The following SERPINB8 variants were observed in gnomAD, a reference collection of about 807,000 sequenced individuals.
SERPINB8 encodes serpin B8.
SERPINB8 carries 25 observed loss-of-function variants against 35.3 expected under a neutral mutation model. That is an observed-to-expected ratio of 0.71 (90% confidence interval 0.52 to 0.99). SERPINB8 has a LOEUF of 0.99. Among genes scored for constraint, SERPINB8 ranks in the 50% least tolerant of loss-of-function variants. The pLI, the probability that SERPINB8 is intolerant of heterozygous loss-of-function variation, is 0.00. For missense variants in SERPINB8, 484 were observed against 446.5 expected (o/e 1.08, Z -0.76); for synonymous variants, 186 against 160.8 (o/e 1.16, Z -1.19).
At chr18:63,970,347 AAG>A (rs756419930) in intron 1 of SERPINB8, 177 bp downstream of exon 1, 4 of 176,228 alleles carry the variant, frequency 2.3e-5, no homozygotes, top group Non-Finnish European at 4.9e-5. Flanking sequence ...GCGGCCGGGA[AAG>A]AGAGTCGCGG....
chr18:63,980,340 C>T (rs1338193867), intron 3 of SERPINB8, among the ~76,000 whole-genome samples: 1 of 152,142 alleles, frequency 6.6e-6, no homozygotes, highest in African/African-American at 2.4e-5. Flanking sequence ...CTGACACAAT[C>T]GTCTTTCTAA....
chr18:63,983,009 G>C (rs969866967), intron 4 of SERPINB8, among the ~76,000 whole-genome samples: 2 of 151,950 alleles, frequency 1.3e-5, no homozygotes, highest in African/African-American at 4.8e-5. Flanking sequence ...TGTCTGATGA[G>C]GTTTGAATAT....
chr18:63,998,759 T>C (rs2050861468), intron 1 of SERPINB8, among the ~76,000 whole-genome samples: 2 of 152,166 alleles, frequency 1.3e-5, no homozygotes, highest in Non-Finnish European at 2.9e-5. Flanking sequence ...ACAGCACAGA[T>C]TGGGAGGCAT....
At chr18:64,003,670 T>C (rs1437446323) in intron 1 of SERPINB8, among the ~76,000 whole-genome samples, 1 of 152,074 alleles carries the variant, frequency 6.6e-6, no homozygotes, top group Non-Finnish European at 1.5e-5. Context: ...AGCCTGAATG[T>C]GAAGGCCTGA....
chr18:64,008,508 C>A (rs1373764349), downstream of SERPINB8, among the ~76,000 whole-genome samples: 1 of 151,946 alleles, frequency 6.6e-6, no homozygotes, highest in Non-Finnish European at 1.5e-5. Context: ...CTTGGCCTCC[C>A]AAAGTGCTAG....
intron 4 of SERPINB8, 33 bp downstream of exon 4, chr18:63,981,871 T>C: frequency 6.8e-7 from 1 of 1,477,418 alleles, no homozygotes; most frequent in Non-Finnish European, 9.4e-7. Flanking sequence ...GATTTGGAAT[T>C]ACTATACAAC....
At chr18:63,997,453 G>A (rs543828543) in intron 1 of SERPINB8, among the ~76,000 whole-genome samples, 45 of 152,198 alleles carry the variant, frequency 3.0e-4, no homozygotes, top group Non-Finnish European at 5.4e-4. Flanking sequence ...ATGAGCCACT[G>A]CCTTCACTTG....
downstream of SERPINB8, among the ~76,000 whole-genome samples, chr18:64,006,438 A>C (rs60962253): frequency 7.2e-3 from 1,091 of 152,340 alleles, 19 homozygotes; most frequent in African/African-American, 0.025. Context: ...TAATGCCCTT[A>C]AAAGAAGAGA....
chr18:64,016,264 T>C (rs2050949698), intron 7 of SERPINB8, among the ~76,000 whole-genome samples: 1 of 152,194 alleles, frequency 6.6e-6, no homozygotes, highest in Non-Finnish European at 1.5e-5. Context: ...GAAAGCTTTC[T>C]AGCTATCTCT....
exon 2 of SERPINB8, chr18:64,005,344 G>T (rs530798658): frequency 2.0e-5 from 3 of 152,426 alleles, no homozygotes; most frequent in Admixed American, 6.5e-5. Flanking sequence ...GCAAAGTTAA[G>T]CATGTCCTAT....
intron 1 of SERPINB8, 179 bp downstream of exon 1, chr18:63,970,349 G>A (rs1281230960): frequency 1.1e-5 from 2 of 176,726 alleles, no homozygotes; most frequent in Non-Finnish European, 2.4e-5. Context: ...GGCCGGGAAA[G>A]AGAGTCGCGG....
chr18:64,010,378 C>T (rs2050920591), downstream of SERPINB8, among the ~76,000 whole-genome samples: 1 of 152,138 alleles, frequency 6.6e-6, no homozygotes, highest in Non-Finnish European at 1.5e-5. Flanking sequence ...AGATATTCTA[C>T]TCCTAGTTAG....
At chr18:64,010,552 G>T (rs1021436045), downstream of SERPINB8, among the ~76,000 whole-genome samples, 2 of 152,062 alleles carry the variant, frequency 1.3e-5, no homozygotes, top group Non-Finnish European at 2.9e-5. Context: ...GTTCTGGTGC[G>T]CTGTTCCCAT....
At chr18:63,977,783 T>A (rs888558292) in intron 1 of SERPINB8, among the ~76,000 whole-genome samples, 8 of 152,246 alleles carry the variant, frequency 5.3e-5, no homozygotes, top group African/African-American at 1.9e-4. Context: ...ATTGGTGTGA[T>A]AACACTTTAC....
chr18:63,992,767 C>G (rs1274141286), downstream of SERPINB8, among the ~76,000 whole-genome samples: 1 of 152,182 alleles, frequency 6.6e-6, no homozygotes, highest in African/African-American at 2.4e-5. Context: ...GTCGGGGGCA[C>G]CTTGCCTCTA....
chr18:63,994,770 A>G (rs2050840775), intron 1 of SERPINB8, among the ~76,000 whole-genome samples: 1 of 152,166 alleles, frequency 6.6e-6, no homozygotes, highest in Admixed American at 6.5e-5. Flanking sequence ...GGCTGGGGGA[A>G]GCAGAGGATA....
chr18:63,996,614 C>T (rs75919536), intron 1 of SERPINB8, among the ~76,000 whole-genome samples: 3 of 152,178 alleles, frequency 2.0e-5, no homozygotes, highest in African/African-American at 7.2e-5. Context: ...GAAGCACTAG[C>T]CTTGCACTCT....
intron 4 of SERPINB8, 104 bp downstream of exon 4, chr18:63,981,942 C>CAG: frequency 1.4e-6 from 1 of 730,258 alleles, no homozygotes; most frequent in East Asian, 2.5e-5. Flanking sequence ...CTGCATACCA[C>CAG]AGGCCTGTTT....
At chr18:64,003,457 C>T (rs892887159) in intron 1 of SERPINB8, among the ~76,000 whole-genome samples, 5 of 151,502 alleles carry the variant, frequency 3.3e-5, no homozygotes, top group African/African-American at 1.2e-4. Flanking sequence ...ACTTGAGCAC[C>T]GGGGGGTATT....
Sources: allele counts gnomAD v4.1 joint callset (sites outside exome capture counted in the v4.1 genomes callset), GRCh38; gene constraint gnomAD v4.1.1; transcripts MANE v1.5; gene names NCBI Gene and HGNC (gene_info 2026-07-23, HGNC 2026-07-21).